GIPR: variants seen among roughly 807,000 people sequenced by gnomAD.
The protein encoded by GIPR is gastric inhibitory polypeptide receptor, also known as GIP-R.
In GIPR, 74 loss-of-function variants were observed where a neutral mutation model predicts 62.2. That is an observed-to-expected ratio of 1.19 (90% CI 0.99 to 1.44). The LOEUF is 1.44. Among genes scored for constraint, GIPR ranks in the 40% most tolerant of loss-of-function variants. The pLI is 0.00. For synonymous variants in GIPR, 256 were observed against 262.2 expected, an observed-to-expected ratio of 0.98 and a Z score of 0.23; for missense variants, 664 against 611.8, an observed-to-expected ratio of 1.09 and a Z score of -0.90.
At position 45,677,779 on chromosome 19, in the gene GIPR, G is replaced by C. The variant is rs761521986; in HGVS notation, c.924G>C (p.Leu308Phe). 2 of 1,612,028 alleles carry C rather than the reference G, an allele frequency of 1.2e-6. No homozygotes were observed. Among genetic ancestry groups the C allele is most frequent in the Non-Finnish European group, 1.7e-6 (2 of 1,178,242 alleles). The change falls in exon 10 of 14, where the codon TTG (leucine) becomes TTC (phenylalanine). Residue 308 changes from leucine (L) to phenylalanine (F), a missense_variant and splice_region_variant. Transcript: ENST00000590918. ...GGACCCCCATCCTCATGACCATCTTGGTAGGATCGGTCCCGCCTCCACCAG... is the reference window on the plus strand; with the variant it reads ...GGACCCCCATCCTCATGACCATCTTCGTAGGATCGGTCCCGCCTCCACCAG... Reference protein sequence around the residue: ...IIRTPILMTILINFLIFIRIL... With the variant: ...IIRTPILMTIFINFLIFIRIL...
At chr19:45,670,834 C>A in intron 3 of GIPR, 100 bp downstream of exon 3, 1 of 748,258 alleles carries the variant, frequency 1.3e-6, no homozygotes, top group Non-Finnish European at 2.2e-6. Flanking sequence ...AATCTCGGGG[C>A]GCTGTGGGCT....
chr19:45,678,327 G>A (rs1265362704), intron 12 of GIPR, 101 bp downstream of exon 12: 1 of 1,309,686 alleles, frequency 7.6e-7, no homozygotes, highest in Non-Finnish European at 1.1e-6. Flanking sequence ...CACTGAATGG[G>A]GTGGGAAGAT....
chr19:45,671,116 G>C (rs893819131), intron 3 of GIPR, among the ~76,000 whole-genome samples, 169 bp from the exon 4 acceptor site: 1 of 152,032 alleles, frequency 6.6e-6, no homozygotes. Context: ...GCTTGTGGCC[G>C]AGCCGGGACG....
Position 45,681,779 on chromosome 19 carries a change from C to G in GIPR, c.1245C>G (p.Ser415Arg), listed in dbSNP as rs1409498957. 1 of 1,599,276 alleles carries G rather than the reference C, an allele frequency of 6.3e-7. No individual in the cohort carries two copies. The highest frequency in any genetic ancestry group is 1.1e-5 in the South Asian group (1 of 89,782). The change falls in exon 14 of 14, where the codon AGC becomes AGG. Residue 415 changes from serine to arginine, a missense_variant. Coordinates refer to ENST00000590918, the MANE Select transcript of GIPR (RefSeq NM_000164.4). ...RGWHHCRLRR[S>R]LGEEQRQLPE... The stretch of plus-strand genomic sequence containing the variant: ...GGCACCACTGCCGCCTGCGCCGCAG[C>G]CTGGGCGAGGAGCAACGCCAGCTCC...
intron 12 of GIPR, among the ~76,000 whole-genome samples, chr19:45,679,407 G>A (rs560310391): frequency 4.6e-5 from 7 of 151,644 alleles, no homozygotes; most frequent in South Asian, 4.2e-4. Context: ...GATTGAACCC[G>A]GGAGGTGGAG....
At chr19:45,681,389 G>A (rs1029287952) in intron 12 of GIPR, among the ~76,000 whole-genome samples, 3 of 152,284 alleles carry the variant, frequency 2.0e-5, no homozygotes, top group Admixed American at 2.0e-4. Flanking sequence ...CAGCTACTCA[G>A]GAGGCTGAAG....
rs544070842 is a variant in GIPR, at chr19:45,677,198, C to T, written c.793+90C>T. 7 of 1,459,466 alleles carry T rather than the reference C, an allele frequency of 4.8e-6. No homozygotes were observed. The East Asian group carries it at 1.6e-4, about 34-fold the overall frequency. 90.4% of individuals were successfully genotyped at this position (1,459,466 alleles called of 1,614,324 possible). ...GCTGGTTGGCCTCTGCGGGTCTCCT[C>T]CCGTCTCTAGGCTTCTGCCTTCCCC... On this transcript the variant is annotated intron_variant, in intron 8 of 13. Transcript: ENST00000590918.
chr19:45,677,678 T>C, intron 9 of GIPR, 32 bp from the exon 10 acceptor site: 2 of 1,577,088 alleles, frequency 1.3e-6, no homozygotes, highest in Non-Finnish European at 1.7e-6. Context: ...CTAGAGTTTT[T>C]CTATCTCTTA....
intron 1 of GIPR, among the ~76,000 whole-genome samples, chr19:45,668,729 C>T (rs1026446610): frequency 6.6e-6 from 1 of 152,218 alleles, no homozygotes; most frequent in Non-Finnish European, 1.5e-5. Context: ...CTACGTGGAG[C>T]CGCGGGGGCG....
intron 4 of GIPR, among the ~76,000 whole-genome samples, chr19:45,671,783 T>A (rs1975553880): frequency 6.6e-6 from 1 of 151,190 alleles, no homozygotes; most frequent in Admixed American, 6.6e-5. Flanking sequence ...CCCGGCTTTT[T>A]TTTTATATAT....
chr19:45,680,689 G>A (rs1967179605), intron 12 of GIPR, among the ~76,000 whole-genome samples: 3 of 151,792 alleles, frequency 2.0e-5, no homozygotes, highest in African/African-American at 7.3e-5. Context: ...AAATTAGCTA[G>A]GCGTGGGGGC....
At chr19:45,675,506 CAG>C (rs1367683984) in intron 7 of GIPR, 2 of 136,702 alleles carry the variant, frequency 1.5e-5, no homozygotes, top group African/African-American at 5.5e-5. Context: ...ACCCAGGAGA[CAG>C]AGGTTGCAGT....
At chr19:45,678,354 A>T in intron 12 of GIPR, 128 bp downstream of exon 12, 2 of 1,046,938 alleles carry the variant, frequency 1.9e-6, no homozygotes, top group African/African-American at 1.6e-5. Context: ...TAGTTCGTTC[A>T]TTAATTAATT....
At chr19:45,674,467 T>C (rs1975723751) in intron 6 of GIPR, 1 of 631,660 alleles carries the variant, frequency 1.6e-6, no homozygotes, top group African/African-American at 1.8e-5. Flanking sequence ...TAGCTAGGCA[T>C]ACTGGTGGTG....
intron 7 of GIPR, among the ~76,000 whole-genome samples, chr19:45,675,574 C>CAAAAAA (rs35162445): frequency 4.1e-5 from 2 of 48,636 alleles, no homozygotes; most frequent in Non-Finnish European, 7.0e-5. Context: ...GACTCCATCG[C>CAAAAAA]AAAAAAAAAA....
chr19:45,676,426 ATTTTTT>A (rs869190523), intron 7 of GIPR, among the ~76,000 whole-genome samples: 5 of 73,718 alleles, frequency 6.8e-5, no homozygotes, highest in Non-Finnish European at 1.2e-4. Flanking sequence ...AAAGAAGCTG[ATTTTTT>A]TTTTTTTTTT....
At position 45,681,722 on chromosome 19, in the gene GIPR, C is replaced by T. The variant is rs1396934294; in HGVS notation, c.1195-7C>T. The T allele has an allele frequency of 1.1e-5, 17 of 1,611,570 alleles. 1 individual carries two copies. In the South Asian group the frequency reaches 1.3e-4, roughly 13 times the overall value. The stretch of plus-strand genomic sequence containing the variant: ...CGGCGCCGCCTCTGAGCGCCATCGT[C>T]TCACAGGTGCAGTCGGAGATCCGCC... On this transcript the variant is annotated splice_polypyrimidine_tract_variant and splice_region_variant and intron_variant, in intron 13 of 13. Coordinates refer to ENST00000590918, the MANE Select transcript of GIPR (RefSeq NM_000164.4).
In GIPR at chr19:45,677,359, T is replaced by C; in HGVS notation, c.830T>C (p.Val277Ala). 3.1e-6 allele frequency: 5 copies of C among 1,601,806 alleles called. No homozygotes were observed. The highest frequency in any genetic ancestry group is 4.3e-6 in the Non-Finnish European group (5 of 1,171,704). Residue 277 changes from valine to alanine, a missense_variant, in exon 9 of 14, where the codon GTC (valine) becomes GCC (alanine). Coordinates refer to ENST00000590918, the MANE Select transcript of GIPR (RefSeq NM_000164.4). ...PALFVIPWVI[V>A]RYLYENTQCW... ...CTTTTCGTCATTCCCTGGGTGATCGTCAGGTACCTGTACGAGAACACGCAG... is the reference window on the plus strand; with the variant it reads ...CTTTTCGTCATTCCCTGGGTGATCGCCAGGTACCTGTACGAGAACACGCAG...
chr19:45,676,884 TG>T, intron 7 of GIPR, 64 bp from the exon 8 acceptor site: 1 of 1,457,928 alleles, frequency 6.9e-7, no homozygotes. Flanking sequence ...CGATCAAAGC[TG>T]GGGGAGACTG....
Sources: allele counts gnomAD v4.1 joint callset (sites outside exome capture counted in the v4.1 genomes callset), GRCh38; gene constraint gnomAD v4.1.1; transcripts MANE v1.5; gene names NCBI Gene and HGNC (gene_info 2026-07-23, HGNC 2026-07-21).